Variants in SLC43A2 observed in about 807,000 individuals in gnomAD.
The protein encoded by SLC43A2 is large neutral amino acids transporter small subunit 4.
In SLC43A2, 38 loss-of-function variants were observed where a neutral mutation model predicts 63.2. That is an observed-to-expected ratio of 0.60 (90% CI 0.46 to 0.79). The LOEUF (loss-of-function observed/expected upper bound fraction) is 0.79. SLC43A2 is among the 30% of genes least tolerant of loss of function. The pLI is 0.00. For missense variants in SLC43A2, 644 were observed against 756.2 expected, an observed-to-expected ratio of 0.85 and a Z score of 1.74; for synonymous variants, 322 against 331.0, an observed-to-expected ratio of 0.97 and a Z score of 0.30.
chr17:1,625,872 G>A (rs529694077), intron 2 of SLC43A2, among the ~76,000 whole-genome samples: 1 of 152,218 alleles, frequency 6.6e-6, no homozygotes, highest in South Asian at 2.1e-4. Flanking sequence ...CACCAACTCA[G>A]CACTGCGCTG....
chr17:1,595,450 GTT>G (rs530702250), intron 5 of SLC43A2, among the ~76,000 whole-genome samples: 1 of 148,398 alleles, frequency 6.7e-6, no homozygotes. Context: ...CCAGCTAGTG[GTT>G]TTTTTTTTGG....
chr17:1,628,307 C>A (rs973426430), intron 1 of SLC43A2: 1 of 157,490 alleles, frequency 6.3e-6, no homozygotes, highest in Non-Finnish European at 1.4e-5. Flanking sequence ...TGGGCAGGGG[C>A]AGATCCGAGG....
chr17:1,599,198 G>C (rs1455307575), intron 5 of SLC43A2, among the ~76,000 whole-genome samples: 1 of 151,868 alleles, frequency 6.6e-6, no homozygotes, highest in Non-Finnish European at 1.5e-5. Context: ...AAATTAGCCG[G>C]GTGTGGCGGC....
intron 3 of SLC43A2, among the ~76,000 whole-genome samples, chr17:1,615,296 G>C (rs1907492906): frequency 6.6e-6 from 1 of 151,804 alleles, no homozygotes; most frequent in African/African-American, 2.4e-5. Context: ...TTTTAGTGGA[G>C]ACAGGGTTTC....
intron 11 of SLC43A2, among the ~76,000 whole-genome samples, chr17:1,581,055 C>T: frequency 6.6e-6 from 1 of 152,144 alleles, no homozygotes; most frequent in Non-Finnish European, 1.5e-5. Context: ...GAGCCATCCT[C>T]TTGGCCACCA....
chr17:1,605,049 C>G lies in SLC43A2; in HGVS notation c.501+8146G>C. 7.1e-7 allele frequency: 1 copy of G among 1,412,678 alleles called. No homozygotes were observed. The highest frequency in any genetic ancestry group is 2.9e-5 in the Admixed American group (1 of 34,564). The allele number at this position is 1,412,678 out of a possible 1,614,324, so 87.5% of individuals were successfully genotyped here. ...CCAGCTTTGCTGCCAAGCAGGAAGC[C>G]GGAGCTGTTTCCTGACTCACCACCA... On this transcript the variant is annotated intron_variant, in intron 5 of 13. Transcript: ENST00000301335. This position sits in a 1 kb window ranked among gnomAD's most constrained non-coding sequence, Gnocchi z 4.9.
At chr17:1,624,790 G>T (rs1200606394) in intron 2 of SLC43A2, among the ~76,000 whole-genome samples, 1 of 151,958 alleles carries the variant, frequency 6.6e-6, no homozygotes, top group Admixed American at 6.6e-5. Flanking sequence ...ACTGCTACTC[G>T]GGAGGCTGAG....
chr17:1,593,367 G>A lies in SLC43A2; in HGVS notation c.502-88C>T. 1 of 1,213,030 alleles carries A rather than the reference G, an allele frequency of 8.2e-7. No homozygotes were observed. Among genetic ancestry groups the A allele is most frequent in the Non-Finnish European group, 1.2e-6 (1 of 836,332 alleles). 75.1% of individuals were successfully genotyped at this position (1,213,030 alleles called of 1,614,324 possible). A position where few individuals can be genotyped will look rare whatever the true frequency, so the allele number is the denominator to read the frequency against. ...GGGACAGAGAACTAGGCCCCATGAG[G>A]CCCCTTCTTCACCTGCGCCCCTTCC... On this transcript the variant is annotated intron_variant, in intron 5 of 13. Coordinates refer to ENST00000301335, the MANE Select transcript of SLC43A2 (RefSeq NM_152346.3). This position sits in a 1 kb window ranked among gnomAD's most constrained non-coding sequence, Gnocchi z 5.3.
chr17:1,593,313 G>T lies in SLC43A2; in HGVS notation c.502-34C>A, dbSNP rs748289169. The T allele has an allele frequency of 6.3e-6, 10 of 1,595,332 alleles. No homozygotes were observed. The South Asian group carries it at 1.1e-4, about 18-fold the overall frequency. On this transcript the variant is annotated intron_variant, in intron 5 of 13. Transcript: ENST00000301335. The surrounding 1 kb of genome is among the most constrained non-coding windows in gnomAD (Gnocchi z 5.3). ...TAAGAAGCAGAGAAACCTCAGTGGGGAGGATGCACCAGGGAAGGGGAGGAG... is the reference window on the plus strand; with the variant it reads ...TAAGAAGCAGAGAAACCTCAGTGGGTAGGATGCACCAGGGAAGGGGAGGAG...
At position 1,575,739 on chromosome 17, in the gene SLC43A2, G is replaced by A; in HGVS notation, c.1575C>T (p.Ser525=). Reference sequence around the variant, plus strand: ...AGAGCGGGAGGCAGAAGCCCAGCAGGCTGAGAAGGAGCAGCCCCACGTTCA... The same window carrying A: ...AGAGCGGGAGGCAGAAGCCCAGCAGACTGAGAAGGAGCAGCCCCACGTTCA... ...LWVNVGLLLL[S]LLGFCLPLYL... The change falls in exon 14 of 14, where the codon AGC becomes AGT. Residue 525 remains serine (S), a synonymous_variant. Transcript: ENST00000301335. 6.2e-7 allele frequency: 1 copy of A among 1,612,968 alleles called. No homozygotes were observed. Among genetic ancestry groups the A allele is most frequent in the Non-Finnish European group, 8.5e-7 (1 of 1,179,760 alleles).
rs1178213991 is a variant in SLC43A2 at position 1,583,508 on chromosome 17, C to T, written c.1218-172G>A. 35 of 1,158,492 alleles carry T rather than the reference C, an allele frequency of 3.0e-5. No homozygotes were observed. The highest frequency in any genetic ancestry group is 1.8e-4 in the South Asian group (11 of 60,044). 71.8% of individuals were successfully genotyped at this position (1,158,492 alleles called of 1,614,324 possible). On this transcript the variant is annotated intron_variant, in intron 10 of 13. Transcript: ENST00000301335. This position sits in a 1 kb window ranked among gnomAD's most constrained non-coding sequence, Gnocchi z 5.5. ...CTGGACCAGCACTACGGACACTCCC[C>T]GGCCCTTCTCAGTGGCAAGCTGAGT...
chr17:1,588,588 T>G (rs1904433993), intron 9 of SLC43A2, among the ~76,000 whole-genome samples: 1 of 149,430 alleles, frequency 6.7e-6, no homozygotes, highest in Non-Finnish European at 1.5e-5. Context: ...TCCCAGATAC[T>G]TAGGAGGCCG....
At chr17:1,586,928 T>TGGGCG in intron 9 of SLC43A2, 19 of 1,232,872 alleles carry the variant, frequency 1.5e-5, no homozygotes, top group Non-Finnish European at 2.1e-5. Flanking sequence ...TCCCTGACAA[T>TGGGCG]CCCCCCCACC....
chr17:1,610,151 AG>A (rs1354260006), intron 5 of SLC43A2, among the ~76,000 whole-genome samples: 1 of 151,984 alleles, frequency 6.6e-6, no homozygotes, highest in African/African-American at 2.4e-5. Context: ...TCCTGACCTC[AG>A]GTGATGGGAA....
At chr17:1,615,083 A>G (rs1261314905) in intron 3 of SLC43A2, 49 bp from the exon 4 acceptor site, 54 of 1,605,518 alleles carry the variant, frequency 3.4e-5, no homozygotes, top group Middle Eastern at 1.7e-4. Context: ...GACTTTATTC[A>G]GTGTTATTGT....
intron 5 of SLC43A2, among the ~76,000 whole-genome samples, chr17:1,597,920 TGGGTACCTGCCTCCCA>T: frequency 6.6e-6 from 1 of 152,256 alleles, no homozygotes; most frequent in African/African-American, 2.4e-5. Context: ...TCTTACTCTC[TGGGTACCTGCCTCCCA>T]GGTAGGTTGC....
chr17:1,628,932 A>T (rs1013006462), upstream of SLC43A2: 1 of 151,420 alleles, frequency 6.6e-6, no homozygotes, highest in African/African-American at 2.4e-5. Context: ...GCGTCGACCA[A>T]TCAGCAGCCA....
At chr17:1,600,549 CTTTTTTTTTTTTT>C (rs398030152) in intron 5 of SLC43A2, among the ~76,000 whole-genome samples, 1 of 73,764 alleles carries the variant, frequency 1.4e-5, no homozygotes, top group Non-Finnish European at 2.5e-5. Context: ...TTTCTTTCCT[CTTTTTTTTTTTTT>C]TTTTTTTTGG....
intron 9 of SLC43A2, chr17:1,586,928 T>TGTGCCCCACCC: frequency 8.1e-7 from 1 of 1,232,916 alleles, no homozygotes; most frequent in Non-Finnish European, 1.1e-6. Context: ...TCCCTGACAA[T>TGTGCCCCACCC]CCCCCCCACC....
Sources: gnomAD v4.1 joint callset for allele counts (sites outside exome capture counted in the v4.1 genomes callset) on GRCh38, gnomAD v4.1.1 for gene constraint, Gnocchi (gnomAD v3.1) non-coding constraint, MANE v1.5 for transcripts, NCBI Gene and HGNC (gene_info 2026-07-23, HGNC 2026-07-21) for gene names.